Variants in SNTG1 observed in about 807,000 individuals in gnomAD.
The protein encoded by SNTG1 is syntrophin gamma 1.
A neutral mutation model predicts 74.7 loss-of-function variants in SNTG1; 39 were observed. The ratio of observed to expected loss-of-function variants is 0.52; its 90% CI spans 0.40 to 0.68. SNTG1 has a LOEUF of 0.68. Among genes scored for constraint, SNTG1 ranks in the 30% least tolerant of loss-of-function variants. The pLI is 0.00. For synonymous variants in SNTG1, 254 were observed against 217.1 expected (o/e 1.17, Z -1.49); for missense variants, 685 against 609.5 (o/e 1.12, Z -1.30).
At chr8:49,965,686 G>A (rs1254837412) in intron 1 of SNTG1, among the ~76,000 whole-genome samples, 3 of 152,144 alleles carry the variant, frequency 2.0e-5, no homozygotes, top group African/African-American at 4.8e-5. Context: ...TCCATTTTTA[G>A]ATAACCGAAT....
chr8:50,171,301 ATAGG>A (rs1453611268), intron 1 of SNTG1, among the ~76,000 whole-genome samples: 1 of 152,180 alleles, frequency 6.6e-6, no homozygotes, highest in Non-Finnish European at 1.5e-5. Context: ...GTGTCCCACA[ATAGG>A]CTGCCTGTCA....
chr8:49,986,119 G>T (rs574939046), intron 1 of SNTG1, among the ~76,000 whole-genome samples: 28 of 152,294 alleles, frequency 1.8e-4, no homozygotes, highest in South Asian at 1.7e-3. Flanking sequence ...AGCAAAAGTT[G>T]TGCTGATCAG....
chr8:50,086,582 G>A (rs1411789273), intron 1 of SNTG1, among the ~76,000 whole-genome samples: 1 of 152,048 alleles, frequency 6.6e-6, no homozygotes, highest in East Asian at 1.9e-4. Flanking sequence ...AAATACCAGG[G>A]GAAGGACAGG....
intron 13 of SNTG1, among the ~76,000 whole-genome samples, chr8:50,609,779 A>G (rs758716465): frequency 1.3e-5 from 2 of 152,038 alleles, no homozygotes; most frequent in Non-Finnish European, 2.9e-5. Context: ...TTAGTTTACT[A>G]ATTATTTTTC....
chr8:50,389,252 A>T (rs963184601), intron 2 of SNTG1, among the ~76,000 whole-genome samples: 5 of 152,298 alleles, frequency 3.3e-5, no homozygotes, highest in Admixed American at 6.5e-5. Context: ...GTTGTTTCCC[A>T]CAGGCCTGTG....
At chr8:50,428,738 A>G (rs538438348) in intron 4 of SNTG1, among the ~76,000 whole-genome samples, 1 of 152,202 alleles carries the variant, frequency 6.6e-6, no homozygotes, top group African/African-American at 2.4e-5. Context: ...AGTGCTGTAA[A>G]TGTGATCTGT....
At chr8:50,221,637 T>G (rs1214130386) in intron 2 of SNTG1, among the ~76,000 whole-genome samples, 1 of 152,064 alleles carries the variant, frequency 6.6e-6, no homozygotes, top group Non-Finnish European at 1.5e-5. Flanking sequence ...TTGCAGTATA[T>G]CCGTGTATGC....
chr8:49,955,519 T>C (rs1810075681), intron 1 of SNTG1, among the ~76,000 whole-genome samples: 1 of 152,234 alleles, frequency 6.6e-6, no homozygotes, highest in Admixed American at 6.5e-5. Flanking sequence ...ACAAATCCAC[T>C]GGGAGTACCT....
At chr8:50,560,893 A>G (rs2094483977) in intron 12 of SNTG1, among the ~76,000 whole-genome samples, 1 of 152,224 alleles carries the variant, frequency 6.6e-6, no homozygotes, top group Non-Finnish European at 1.5e-5. Context: ...AAAATAAAGA[A>G]GGAAAACAAA....
chr8:50,060,822 T>G (rs1336611217), intron 1 of SNTG1, among the ~76,000 whole-genome samples: 1 of 152,162 alleles, frequency 6.6e-6, no homozygotes, highest in African/African-American at 2.4e-5. Flanking sequence ...TATCTGATCA[T>G]ATTTTTCTTC....
intron 2 of SNTG1, among the ~76,000 whole-genome samples, chr8:50,390,742 T>C (rs1445619030): frequency 6.6e-6 from 1 of 152,180 alleles, no homozygotes; most frequent in African/African-American, 2.4e-5. Flanking sequence ...CTCTTTTATT[T>C]CATTGAGCAG....
intron 3 of SNTG1, among the ~76,000 whole-genome samples, chr8:50,400,895 G>GC (rs2092795324): frequency 6.6e-6 from 1 of 152,096 alleles, no homozygotes; most frequent in African/African-American, 2.4e-5. Context: ...ACGCTAGGAT[G>GC]ATCACAGCTA....
intron 12 of SNTG1, among the ~76,000 whole-genome samples, chr8:50,556,588 C>A (rs2094456747): frequency 6.6e-6 from 1 of 152,116 alleles, no homozygotes; most frequent in South Asian, 2.1e-4. Context: ...TTTCCATGAT[C>A]ATTTCTTATT....
intron 15 of SNTG1, among the ~76,000 whole-genome samples, chr8:50,698,852 G>A (rs1308105469): frequency 6.6e-6 from 1 of 151,992 alleles, no homozygotes; most frequent in Admixed American, 6.6e-5. Context: ...TTCTATAGTG[G>A]GAAATTGGAC....
chr8:50,548,727 G>T (rs2094405431), intron 11 of SNTG1, among the ~76,000 whole-genome samples: 1 of 152,092 alleles, frequency 6.6e-6, no homozygotes, highest in East Asian at 1.9e-4. Context: ...CACTAAAGTG[G>T]AAGAGATTCA....
At chr8:50,685,611 A>T (rs753343400) in intron 15 of SNTG1, among the ~76,000 whole-genome samples, 1 of 152,234 alleles carries the variant, frequency 6.6e-6, no homozygotes, top group South Asian at 2.1e-4. Flanking sequence ...TTCCATAAAA[A>T]CATTTCATAA....
chr8:50,585,905 T>TTTCCTAGAG (rs2094645306), intron 12 of SNTG1, among the ~76,000 whole-genome samples: 1 of 152,226 alleles, frequency 6.6e-6, no homozygotes, highest in Non-Finnish European at 1.5e-5. Flanking sequence ...AGTTCACTTA[T>TTTCCTAGAG]AATTTAGGTT....
intron 11 of SNTG1, among the ~76,000 whole-genome samples, chr8:50,549,353 C>A (rs1461713216): frequency 2.0e-5 from 3 of 152,088 alleles, no homozygotes; most frequent in Admixed American, 6.6e-5. Flanking sequence ...CTTCTTATTT[C>A]TTTCTTTCCT....
At chr8:50,524,765 T>A in intron 9 of SNTG1, among the ~76,000 whole-genome samples, 1 of 152,164 alleles carries the variant, frequency 6.6e-6, no homozygotes, top group East Asian at 1.9e-4. Flanking sequence ...ATAGGCTATA[T>A]GCAAATACTA....
Sources: allele counts gnomAD v4.1 joint callset (sites outside exome capture counted in the v4.1 genomes callset), GRCh38; gene constraint gnomAD v4.1.1; transcripts MANE v1.5; gene names NCBI Gene and HGNC (gene_info 2026-07-23, HGNC 2026-07-21).